SPEN: variants seen among roughly 807,000 people sequenced by gnomAD.
SPEN encodes the protein spen family transcriptional repressor.
Under a neutral mutation model 269.9 loss-of-function variants are expected in SPEN, and 18 were observed. That is an observed-to-expected ratio of 0.07 (90% confidence interval 0.05 to 0.10). The LOEUF is 0.10. SPEN is among the 10% of genes least tolerant of loss of function. SPEN has a pLI of 1.00. For synonymous variants in SPEN, 1,726 were observed against 1,765.7 expected (o/e 0.98, Z 0.56); for missense variants, 3,822 against 4,631.2 (o/e 0.83, Z 5.07).
Position 15,934,543 on chromosome 1 carries a change from C to T in SPEN, c.8303C>T (p.Ala2768Val), listed in dbSNP as rs144525015. The stretch of plus-strand genomic sequence containing the variant: ...GTGACAATGGCAGGGGCAGTGATTG[C>T]GCCGTCAACAAAGTGCAAACAGAGA... ...GTVTMAGAVI[A>V]PSTKCKQRAS... The change falls in exon 11 of 15, where the codon GCG (alanine) becomes GTG (valine). Residue 2768 changes from alanine to valine, a missense_variant. Ala to Val is a moderately conservative substitution (Grantham distance 64). Transcript: ENST00000375759. The surrounding 1 kb of genome is among the most constrained non-coding windows in gnomAD (Gnocchi z 9.2). 2.0e-5 allele frequency: 32 copies of T among 1,613,940 alleles called. No homozygotes were observed. Among genetic ancestry groups the T allele is most frequent in the African/African-American group, 5.3e-5 (4 of 74,932 alleles).
chr1:15,901,420 T>C (rs1424841024), intron 3 of SPEN, among the ~76,000 whole-genome samples: 1 of 151,520 alleles, frequency 6.6e-6, no homozygotes, highest in African/African-American at 2.4e-5. Flanking sequence ...GCAGATTGCT[T>C]GAGCTCAGAA....
At chr1:15,879,764 G>A (rs1312271825) in intron 3 of SPEN, among the ~76,000 whole-genome samples, 1 of 151,514 alleles carries the variant, frequency 6.6e-6, no homozygotes, top group East Asian at 1.9e-4. Flanking sequence ...TCCACCTCCC[G>A]GGTTCACGCC....
chr1:15,929,543 C>A lies in SPEN; in HGVS notation c.3303C>A (p.Val1101=). 6.2e-7 allele frequency: 1 copy of A among 1,613,828 alleles called. No homozygotes were observed. Among genetic ancestry groups the A allele is most frequent in the South Asian group, 1.1e-5 (1 of 91,040 alleles). ...LAGESVENQE[V]QSKKPIPSKP... ...GTGAATCTGTGGAAAATCAAGAAGT[C>A]CAATCAAAAAAGCCCATTCCCTCAA... is the stretch of plus-strand genomic sequence containing the variant. The change falls in exon 11 of 15, where the codon GTC becomes GTA. Residue 1101 remains valine, a synonymous_variant. Coordinates refer to ENST00000375759, the MANE Select transcript of SPEN (RefSeq NM_015001.3). This position sits in a 1 kb window ranked among gnomAD's most constrained non-coding sequence, Gnocchi z 5.8.
intron 10 of SPEN, among the ~76,000 whole-genome samples, chr1:15,924,409 T>A (rs546408096): frequency 1.3e-4 from 20 of 152,276 alleles, no homozygotes; most frequent in African/African-American, 4.6e-4. Context: ...TGTGTGAGGG[T>A]TGAATAATGT....
Position 15,918,910 on chromosome 1 carries a change from T to G in SPEN, c.1396-16T>G. 1 of 1,599,798 alleles carries G rather than the reference T, an allele frequency of 6.3e-7. No homozygotes were observed. Among genetic ancestry groups the G allele is most frequent in the South Asian group, 1.1e-5 (1 of 89,840 alleles). ...TCTTGGGCATATTGCTAAGTTGTAT[T>G]CATTGGTTTTTTCAGGATATTGACA... is the stretch of plus-strand genomic sequence containing the variant. On this transcript the variant is annotated splice_polypyrimidine_tract_variant and intron_variant, in intron 6 of 14. Transcript: ENST00000375759.
At chr1:15,901,640 A>G (rs1165264344) in intron 3 of SPEN, among the ~76,000 whole-genome samples, 2 of 136,462 alleles carry the variant, frequency 1.5e-5, no homozygotes, top group African/African-American at 5.6e-5. Context: ...ACAAAGTGAG[A>G]CTCCATCTCA....
In SPEN at chr1:15,931,510, A is replaced by T; in HGVS notation, c.5270A>T (p.Gln1757Leu). Residue 1757 changes from glutamine to leucine, a missense_variant, in exon 11 of 15, where the codon CAG (glutamine) becomes CTG (leucine). Transcript: ENST00000375759. The surrounding 1 kb of genome is among the most constrained non-coding windows in gnomAD (Gnocchi z 4.8). ...SNVDPEPDST[Q>L]PLSKPAQKSE... ...GTAGATCCAGAGCCTGACAGTACCCAGCCACTTTCAAAACCAGCTCAGAAG... is the reference window on the plus strand; with the variant it reads ...GTAGATCCAGAGCCTGACAGTACCCTGCCACTTTCAAAACCAGCTCAGAAG... 6.2e-7 allele frequency: 1 copy of T among 1,614,164 alleles called. No individual in the cohort carries two copies. The highest frequency in any genetic ancestry group is 8.5e-7 in the Non-Finnish European group (1 of 1,180,026).
chr1:15,894,725 A>C (rs911444410), intron 3 of SPEN, among the ~76,000 whole-genome samples: 1 of 151,596 alleles, frequency 6.6e-6, no homozygotes, highest in Non-Finnish European at 1.5e-5. Flanking sequence ...TTTTTAGTAG[A>C]GACGGGGTTT....
chr1:15,936,665 A>G (rs2071278621), intron 11 of SPEN, among the ~76,000 whole-genome samples: 2 of 140,936 alleles, frequency 1.4e-5, no homozygotes, highest in Admixed American at 7.5e-5. Flanking sequence ...AGCCGGGCAT[A>G]GTGGCTCACG....
chr1:15,931,508 C>A lies in SPEN; in HGVS notation c.5268C>A (p.Thr1756=). ...ACGTAGATCCAGAGCCTGACAGTAC[C>A]CAGCCACTTTCAAAACCAGCTCAGA... ...ESNVDPEPDS[T]QPLSKPAQKS... is the part of the protein sequence containing the mutation. Residue 1756 remains threonine (T), a synonymous_variant, in exon 11 of 15, where the codon ACC becomes ACA. Transcript: ENST00000375759. This position sits in a 1 kb window ranked among gnomAD's most constrained non-coding sequence, Gnocchi z 4.8. 6.2e-7 allele frequency: 1 copy of A among 1,614,138 alleles called. No individual in the cohort carries two copies. The highest frequency in any genetic ancestry group is 1.1e-5 in the South Asian group (1 of 91,082).
Position 15,873,936 on chromosome 1 carries a change from T to C in SPEN, c.404+800T>C, listed in dbSNP as rs569022818. 6 of 1,164,652 alleles carry C rather than the reference T, an allele frequency of 5.2e-6. No homozygotes were observed. The African/African-American group carries it at 9.6e-5, about 19-fold the overall frequency. 72.1% of individuals were successfully genotyped at this position (1,164,652 alleles called of 1,614,324 possible). ...CAAGTTGCTGTCCAATCAAAGGTAC[T>C]TTAGCTTTGAACACATGGTGATGAT... On this transcript the variant is annotated intron_variant, in intron 2 of 14. Transcript: ENST00000375759.
At chr1:15,875,157 G>A (rs1235685007) in intron 2 of SPEN, among the ~76,000 whole-genome samples, 3 of 152,088 alleles carry the variant, frequency 2.0e-5, no homozygotes, top group East Asian at 1.9e-4. Context: ...GAGAACTTAC[G>A]ATTTCTTTAT....
chr1:15,880,453 C>CT (rs371820417), intron 3 of SPEN, among the ~76,000 whole-genome samples: 5,789 of 110,970 alleles, frequency 0.052, 435 homozygotes, highest in African/African-American at 0.1. Flanking sequence ...GTAATTATAG[C>CT]TTTTTTTTTT....
chr1:15,934,883 C>T lies in SPEN; in HGVS notation c.8643C>T (p.Ala2881=), dbSNP rs2071259206. ...PQAPAGYANV[A]THSTLVLTAQ... ...CTCCTGCAGGCTATGCGAACGTGGC[C>T]ACCCATTCCACGTTGGTACTGACCG... The change falls in exon 11 of 15, where the codon GCC becomes GCT. Residue 2881 remains alanine (A), a synonymous_variant. Coordinates refer to ENST00000375759, the MANE Select transcript of SPEN (RefSeq NM_015001.3). The surrounding 1 kb of genome is among the most constrained non-coding windows in gnomAD (Gnocchi z 9.2). The T allele has an allele frequency of 1.2e-6, 2 of 1,614,048 alleles. No individual in the cohort carries two copies. The highest frequency in any genetic ancestry group is 1.7e-6 in the Non-Finnish European group (2 of 1,180,036).
chr1:15,867,347 G>A (rs1015456896), intron 1 of SPEN, among the ~76,000 whole-genome samples: 2 of 152,000 alleles, frequency 1.3e-5, no homozygotes, highest in Non-Finnish European at 2.9e-5. Context: ...TCCATTGAAT[G>A]GGCATGCCCT....
chr1:15,920,240 T>G (rs777336378), intron 8 of SPEN, among the ~76,000 whole-genome samples: 1 of 152,174 alleles, frequency 6.6e-6, no homozygotes, highest in South Asian at 2.1e-4. Context: ...TGGCTAGTTT[T>G]GTATTTTTAG....
At chr1:15,864,475 T>TG (rs1025646622) in intron 1 of SPEN, among the ~76,000 whole-genome samples, 1 of 138,738 alleles carries the variant, frequency 7.2e-6, no homozygotes, top group African/African-American at 3.3e-5. Context: ...GGCCGGTTTT[T>TG]TTTTTTTTTT....
intron 1 of SPEN, among the ~76,000 whole-genome samples, chr1:15,862,060 A>C (rs148408785): frequency 2.0e-5 from 3 of 152,054 alleles, no homozygotes; most frequent in Non-Finnish European, 4.4e-5. Flanking sequence ...AAAAAACAAA[A>C]AACAAAAATT....
intron 1 of SPEN, among the ~76,000 whole-genome samples, chr1:15,853,306 C>T (rs2070354474): frequency 6.6e-6 from 1 of 151,584 alleles, no homozygotes; most frequent in African/African-American, 2.4e-5. Flanking sequence ...TGTGCCATAG[C>T]CTCCTGAGTA....
Sources: gnomAD v4.1 joint callset for allele counts (sites outside exome capture counted in the v4.1 genomes callset) on GRCh38, gnomAD v4.1.1 for gene constraint, Gnocchi (gnomAD v3.1) non-coding constraint, MANE v1.5 for transcripts, NCBI Gene and HGNC (gene_info 2026-07-23, HGNC 2026-07-21) for gene names.